Variants in GALNT10 observed in about 807,000 individuals in gnomAD.
GALNT10 encodes GalNAc transferase 10.
A neutral mutation model predicts 75.0 loss-of-function variants in GALNT10; 41 were observed. The observed-to-expected ratio is 0.55, with a 90% CI of 0.43 to 0.71. The LOEUF is 0.71. GALNT10 is among the 30% of genes least tolerant of loss of function. The pLI is 0.00. For synonymous variants in GALNT10, 302 were observed against 313.0 expected (o/e 0.96, Z 0.37); for missense variants, 727 against 818.5 (o/e 0.89, Z 1.36).
chr5:154,408,212 T>C (rs139175197), intron 8 of GALNT10, among the ~76,000 whole-genome samples: 30 of 152,322 alleles, frequency 2.0e-4, no homozygotes, highest in Admixed American at 4.6e-4. Flanking sequence ...CGGCTCTTTA[T>C]AGAAGACATT....
At position 154,416,825 on chromosome 5, in the gene GALNT10, G is replaced by T. The variant is rs537017226; in HGVS notation, c.1665G>T (p.Leu555=). 6.2e-7 allele frequency: 1 copy of T among 1,613,246 alleles called. No individual in the cohort carries two copies. The highest frequency in any genetic ancestry group is 8.5e-7 in the Non-Finnish European group (1 of 1,179,146). ...QLWKYRKDKT[L]YHPVSGSCMD... is the part of the protein sequence containing the mutation. ...TCCATGTTTTGTAGGACAAGACCCTGTACCACCCTGTCAGTGGCAGCTGCA... is the reference window on the plus strand; with the variant it reads ...TCCATGTTTTGTAGGACAAGACCCTTTACCACCCTGTCAGTGGCAGCTGCA... The change falls in exon 12 of 12, where the codon CTG becomes CTT. Residue 555 remains leucine (L), a synonymous_variant. Coordinates refer to ENST00000297107, the MANE Select transcript of GALNT10 (RefSeq NM_198321.4). The surrounding 1 kb of genome is among the most constrained non-coding windows in gnomAD (Gnocchi z 4.5).
chr5:154,245,170 G>C (rs1435077902), intron 1 of GALNT10, among the ~76,000 whole-genome samples: 2 of 152,200 alleles, frequency 1.3e-5, no homozygotes, highest in African/African-American at 4.8e-5. Flanking sequence ...TGATGCAAGG[G>C]GGTGGAGATG....
At chr5:154,267,071 A>T (rs1753789483) in intron 1 of GALNT10, among the ~76,000 whole-genome samples, 1 of 152,204 alleles carries the variant, frequency 6.6e-6, no homozygotes, top group African/African-American at 2.4e-5. Flanking sequence ...TTCATGCTGG[A>T]TAATCACAAC....
At chr5:154,354,816 C>T (rs12717885) in intron 4 of GALNT10, among the ~76,000 whole-genome samples, 5 of 152,122 alleles carry the variant, frequency 3.3e-5, no homozygotes, top group Non-Finnish European at 4.4e-5. Context: ...AAAAGAGATG[C>T]CATTGTAGCT....
At chr5:154,322,224 G>A (rs1177545678) in intron 3 of GALNT10, among the ~76,000 whole-genome samples, 1 of 152,098 alleles carries the variant, frequency 6.6e-6, no homozygotes. Flanking sequence ...GCTTGTCTGG[G>A]TTGAGGACTG....
At chr5:154,240,962 G>T (rs537341507) in intron 1 of GALNT10, among the ~76,000 whole-genome samples, 9 of 152,286 alleles carry the variant, frequency 5.9e-5, no homozygotes, top group Middle Eastern at 3.4e-3. Context: ...ATAAGGTAAT[G>T]TTCAGAATGC....
At position 154,416,813 on chromosome 5, in the gene GALNT10, G is replaced by C. The variant is rs1756520606; in HGVS notation, c.1654-1G>C. The C allele has an allele frequency of 6.2e-7, 1 of 1,612,034 alleles. No individual in the cohort carries two copies. Among genetic ancestry groups the C allele is most frequent in the Non-Finnish European group, 8.5e-7 (1 of 1,178,250 alleles). On this transcript the variant is annotated splice_acceptor_variant, in intron 11 of 11. Coordinates refer to ENST00000297107, the MANE Select transcript of GALNT10 (RefSeq NM_198321.4). LOFTEE classifies it high-confidence loss of function. The surrounding 1 kb of genome is among the most constrained non-coding windows in gnomAD (Gnocchi z 4.5). ...TGGCTTATTACCTCCATGTTTTGTA[G>C]GACAAGACCCTGTACCACCCTGTCA...
chr5:154,293,303 A>T (rs1019821856), intron 1 of GALNT10, among the ~76,000 whole-genome samples: 1 of 152,210 alleles, frequency 6.6e-6, no homozygotes, highest in Non-Finnish European at 1.5e-5. Flanking sequence ...CAAGTCTGCA[A>T]GATTTGTAAT....
chr5:154,245,986 G>GTGTGATGTTCCCCTTCC, intron 1 of GALNT10, among the ~76,000 whole-genome samples: 1 of 150,376 alleles, frequency 6.6e-6, no homozygotes, highest in East Asian at 2.0e-4. Context: ...AGGCCCCAGA[G>GTGTGATGTTCCCCTTCC]TGTGATGTTC....
intron 3 of GALNT10, among the ~76,000 whole-genome samples, chr5:154,317,205 A>T (rs544839528): frequency 1.3e-5 from 2 of 152,274 alleles, no homozygotes; most frequent in Non-Finnish European, 2.9e-5. Context: ...GGTTTGTTCA[A>T]TTGACTTACA....
At chr5:154,210,511 C>T (rs1775180398) in intron 1 of GALNT10, among the ~76,000 whole-genome samples, 2 of 152,174 alleles carry the variant, frequency 1.3e-5, no homozygotes, top group African/African-American at 4.8e-5. Context: ...CAACCCTCAG[C>T]CCACTCAGGC....
rs374953800 is a variant in GALNT10, at chr5:154,380,647, C to A, written c.938+16C>A. On this transcript the variant is annotated intron_variant, in intron 6 of 11. Coordinates refer to ENST00000297107, the MANE Select transcript of GALNT10 (RefSeq NM_198321.4). ...ACCCATTTGAGTAAGTATGAACAACCCTGGCTGGTCCCAGTGGCTACCCAG... is the reference window on the plus strand; with the variant it reads ...ACCCATTTGAGTAAGTATGAACAACACTGGCTGGTCCCAGTGGCTACCCAG... 19 of 1,583,208 alleles carry A rather than the reference C, an allele frequency of 1.2e-5. No individual in the cohort carries two copies. The highest frequency in any genetic ancestry group is 1.7e-5 in the Admixed American group (1 of 58,560).
At chr5:154,271,014 G>C (rs999602248) in intron 1 of GALNT10, among the ~76,000 whole-genome samples, 27 of 149,254 alleles carry the variant, frequency 1.8e-4, no homozygotes, top group Non-Finnish European at 3.9e-4. Context: ...AAAAAAAAAG[G>C]GATACCAAGT....
intron 8 of GALNT10, among the ~76,000 whole-genome samples, chr5:154,404,741 G>A (rs1756239082): frequency 6.6e-6 from 1 of 152,196 alleles, no homozygotes; most frequent in South Asian, 2.1e-4. Context: ...GTGGTGTGGT[G>A]TGTTTGGGAA....
chr5:154,260,411 C>T (rs1302472632), intron 1 of GALNT10, among the ~76,000 whole-genome samples: 1 of 152,160 alleles, frequency 6.6e-6, no homozygotes, highest in Non-Finnish European at 1.5e-5. Context: ...AGCAAGCGTG[C>T]AGCCAGTCAT....
chr5:154,221,670 A>C (rs1467531464), intron 1 of GALNT10, among the ~76,000 whole-genome samples: 1 of 152,232 alleles, frequency 6.6e-6, no homozygotes, highest in East Asian at 1.9e-4. Flanking sequence ...CTCAGGCTCT[A>C]AGTATTGGAC....
intron 4 of GALNT10, among the ~76,000 whole-genome samples, chr5:154,371,262 G>A (rs1755558339): frequency 6.6e-6 from 1 of 152,126 alleles, no homozygotes. Flanking sequence ...GCCATTGGAT[G>A]AGTGCCCACC....
intron 1 of GALNT10, among the ~76,000 whole-genome samples, chr5:154,252,094 T>C (rs1257712082): frequency 6.6e-6 from 1 of 152,102 alleles, no homozygotes; most frequent in Non-Finnish European, 1.5e-5. Context: ...CACACAACAA[T>C]ATCAGAATAG....
chr5:154,405,831 G>A (rs1756268699), intron 8 of GALNT10, among the ~76,000 whole-genome samples: 1 of 151,572 alleles, frequency 6.6e-6, no homozygotes, highest in African/African-American at 2.4e-5. Flanking sequence ...GTGACAAAAC[G>A]AGACCATGTC....
Sources: allele counts gnomAD v4.1 joint callset (sites outside exome capture counted in the v4.1 genomes callset), GRCh38; gene constraint gnomAD v4.1.1; non-coding constraint Gnocchi (gnomAD v3.1); transcripts MANE v1.5; gene names NCBI Gene and HGNC (gene_info 2026-07-23, HGNC 2026-07-21).